MAN1C1: variants seen among roughly 807,000 people sequenced by gnomAD.
The protein encoded by MAN1C1 is mannosidase alpha class 1C member 1.
A neutral mutation model predicts 71.5 loss-of-function variants in MAN1C1; 49 were observed. The ratio of observed to expected loss-of-function variants is 0.69; its 90% CI spans 0.54 to 0.87. The LOEUF is 0.87. MAN1C1 is among the 40% of genes least tolerant of loss of function. The pLI, the probability that MAN1C1 is intolerant of heterozygous loss-of-function variation, is 0.00. For missense variants in MAN1C1, 743 were observed against 835.0 expected (o/e 0.89, Z 1.36); for synonymous variants, 352 against 343.7 (o/e 1.02, Z -0.27).
chr1:25,671,178 C>T (rs1310320273), intron 1 of MAN1C1, among the ~76,000 whole-genome samples: 1 of 152,182 alleles, frequency 6.6e-6, no homozygotes, highest in Non-Finnish European at 1.5e-5. Context: ...AACACCTGGT[C>T]GCTGCTGCTG....
At chr1:25,724,341 T>G (rs1429973910) in intron 2 of MAN1C1, among the ~76,000 whole-genome samples, 1 of 152,172 alleles carries the variant, frequency 6.6e-6, no homozygotes, top group Non-Finnish European at 1.5e-5. Flanking sequence ...CTGCAGATCT[T>G]GACTGGGCTC....
intron 1 of MAN1C1, among the ~76,000 whole-genome samples, chr1:25,647,328 G>A (rs1380244504): frequency 6.6e-6 from 1 of 152,196 alleles, no homozygotes; most frequent in Non-Finnish European, 1.5e-5. Flanking sequence ...TGGGAGGGCT[G>A]TTCCAGGTGG....
chr1:25,705,102 T>C (rs1452386844), intron 2 of MAN1C1, among the ~76,000 whole-genome samples: 1 of 152,186 alleles, frequency 6.6e-6, no homozygotes, highest in Non-Finnish European at 1.5e-5. Context: ...CTCGATCCGT[T>C]TTTTTCTCTT....
intron 1 of MAN1C1, among the ~76,000 whole-genome samples, chr1:25,664,459 G>A (rs994336489): frequency 3.3e-5 from 5 of 152,122 alleles, no homozygotes; most frequent in Admixed American, 3.3e-4. Context: ...GTATCCCCAC[G>A]TTGAACATTA....
At chr1:25,749,883 C>T (rs544376188) in intron 4 of MAN1C1, among the ~76,000 whole-genome samples, 1 of 152,250 alleles carries the variant, frequency 6.6e-6, no homozygotes, top group Non-Finnish European at 1.5e-5. Flanking sequence ...CAGCCAGACA[C>T]CTGCTCCAGG....
At position 25,617,680 on chromosome 1, in the gene MAN1C1, G is replaced by T; in HGVS notation, c.-118G>T. On this transcript the variant is annotated 5_prime_UTR_variant, in exon 1 of 12. Transcript: ENST00000374332. The surrounding 1 kb of genome is among the most constrained non-coding windows in gnomAD (Gnocchi z 5.1). Reference sequence around the variant, plus strand: ...CCGAAGCGGCGAAACTCTCAGGGTTGGCAACCCTGCCCAGGGACCCCCATC... The same window carrying T: ...CCGAAGCGGCGAAACTCTCAGGGTTTGCAACCCTGCCCAGGGACCCCCATC... The T allele has an allele frequency of 1.1e-6, 1 of 902,702 alleles. No homozygotes were observed. The highest frequency in any genetic ancestry group is 1.6e-6 in the Non-Finnish European group (1 of 622,140). The allele number at this position is 902,702 out of a possible 1,614,324, so 55.9% of individuals were successfully genotyped here.
At chr1:25,745,142 C>A (rs979189232) in intron 2 of MAN1C1, among the ~76,000 whole-genome samples, 1 of 152,232 alleles carries the variant, frequency 6.6e-6, no homozygotes, top group Non-Finnish European at 1.5e-5. Context: ...GTGTCTTCCT[C>A]ATTACTCTTC....
At position 25,778,261 on chromosome 1, in the gene MAN1C1, G is replaced by A. The variant is rs867459812; in HGVS notation, c.1414G>A (p.Ala472Thr). 2.5e-6 allele frequency: 4 copies of A among 1,614,018 alleles called. No individual in the cohort carries two copies. The highest frequency in any genetic ancestry group is 1.7e-4 in the Middle Eastern group (1 of 6,060). ...CGAGGATGCCAAGGAAGAAAAGAGG[G>A]CCCACTACCGAGAGCTCGCAGCCCA... is the stretch of plus-strand genomic sequence containing the variant. ...GAEDAKEEKR[A>T]HYRELAAQIT... is the part of the protein sequence containing the mutation. Residue 472 changes from alanine to threonine, a missense_variant, in exon 9 of 12, where the codon GCC becomes ACC. Coordinates refer to ENST00000374332, the MANE Select transcript of MAN1C1 (RefSeq NM_020379.4). The surrounding 1 kb of genome is among the most constrained non-coding windows in gnomAD (Gnocchi z 5.5).
rs113683633 is a variant in MAN1C1 at position 25,729,123 on chromosome 1, C to G, written c.638-17545C>G. 6.4e-4 allele frequency among the ~76,000 whole-genome samples: 97 copies of G among 152,374 alleles called. 1 individual carries two copies. The highest frequency in any genetic ancestry group is 2.3e-3 in the African/African-American group (94 of 41,600). ...GGCCCTCAACATAGAGACCAAACCC[C>G]TTGGCCTGCATTTGAAGTCTTTCCC... On this transcript the variant is annotated intron_variant, in intron 2 of 11. Transcript: ENST00000374332.
At chr1:25,701,115 T>C (rs2124217757) in intron 2 of MAN1C1, among the ~76,000 whole-genome samples, 1 of 152,376 alleles carries the variant, frequency 6.6e-6, no homozygotes, top group Non-Finnish European at 1.5e-5. Flanking sequence ...CATTTTAATA[T>C]TCGTTTATGG....
intron 1 of MAN1C1, among the ~76,000 whole-genome samples, chr1:25,667,204 C>G (rs2045935949): frequency 6.6e-6 from 1 of 152,152 alleles, no homozygotes; most frequent in Admixed American, 6.5e-5. Flanking sequence ...TTCAAAGAGG[C>G]TGGGAGTGGT....
intron 1 of MAN1C1, among the ~76,000 whole-genome samples, chr1:25,682,017 C>T (rs2046162141): frequency 6.6e-6 from 1 of 151,628 alleles, no homozygotes; most frequent in South Asian, 2.1e-4. Context: ...CTTTATATTT[C>T]AGCCTGTCTT....
Position 25,782,992 on chromosome 1 carries a change from G to A in MAN1C1, c.1766+292G>A, listed in dbSNP as rs145712569. The stretch of plus-strand genomic sequence containing the variant: ...AGGTTGCTTCCGTTCTGGGAACCGC[G>A]TCCTCGTGTGTAAAATGGGATAGGG... On this transcript the variant is annotated intron_variant, in intron 11 of 11. Transcript: ENST00000374332. This position sits in a 1 kb window ranked among gnomAD's most constrained non-coding sequence, Gnocchi z 4.4. Among the ~76,000 whole-genome samples the A allele has an allele frequency of 1.6e-3, 240 of 152,288 alleles. No homozygotes were observed. The highest frequency in any genetic ancestry group is 5.4e-3 in the African/African-American group (225 of 41,538).
intron 2 of MAN1C1, among the ~76,000 whole-genome samples, chr1:25,724,660 G>A (rs1047243691): frequency 1.3e-5 from 2 of 152,198 alleles, no homozygotes; most frequent in Non-Finnish European, 2.9e-5. Flanking sequence ...GTAAGGAATT[G>A]GGACCATTGG....
chr1:25,637,331 C>T (rs1572110560), intron 1 of MAN1C1, among the ~76,000 whole-genome samples: 1 of 152,158 alleles, frequency 6.6e-6, no homozygotes, highest in African/African-American at 2.4e-5. Context: ...TTTTTTCTAA[C>T]TTAAGATAGG....
chr1:25,715,981 G>A (rs1377718626), intron 2 of MAN1C1, among the ~76,000 whole-genome samples: 4 of 152,144 alleles, frequency 2.6e-5, no homozygotes, highest in African/African-American at 4.8e-5. Flanking sequence ...TCCACCTTAC[G>A]GTCCAAAATT....
chr1:25,768,822 C>T (rs749116392), intron 7 of MAN1C1, among the ~76,000 whole-genome samples: 13 of 150,316 alleles, frequency 8.6e-5, no homozygotes, highest in Non-Finnish European at 1.8e-4. Context: ...CATATCCACA[C>T]TCCCCTCACA....
rs1428295873 is a variant in MAN1C1, at chr1:25,776,407, C to T, written c.1258-1698C>T. Among the ~76,000 whole-genome samples, 4 of 151,876 alleles carry T rather than the reference C, an allele frequency of 2.6e-5. No individual in the cohort carries two copies. Among genetic ancestry groups the T allele is most frequent in the Non-Finnish European group, 5.9e-5 (4 of 67,978 alleles). On this transcript the variant is annotated intron_variant, in intron 8 of 11. Coordinates refer to ENST00000374332, the MANE Select transcript of MAN1C1 (RefSeq NM_020379.4). The surrounding 1 kb of genome is among the most constrained non-coding windows in gnomAD (Gnocchi z 4.3). ...CTCTACTAAAAATACAAAAATTAGC[C>T]GGGGGTGGTGGCACACGCCTATAAT...
At chr1:25,679,872 TTC>T (rs1318283095) in intron 1 of MAN1C1, among the ~76,000 whole-genome samples, 16 of 149,160 alleles carry the variant, frequency 1.1e-4, no homozygotes, top group African/African-American at 3.7e-4. Context: ...TTTCTTTTTT[TTC>T]TTTTTTTGAG....
Sources: allele counts gnomAD v4.1 joint callset (sites outside exome capture counted in the v4.1 genomes callset), GRCh38; gene constraint gnomAD v4.1.1; non-coding constraint Gnocchi (gnomAD v3.1); transcripts MANE v1.5; gene names NCBI Gene and HGNC (gene_info 2026-07-23, HGNC 2026-07-21).